Variants in BLM observed in about 807,000 individuals in gnomAD.
BLM encodes the protein recQ-like DNA helicase BLM.
BLM carries 95 observed loss-of-function variants against 135.3 expected under a neutral mutation model. That is an observed-to-expected ratio of 0.70 (90% CI 0.59 to 0.83). The LOEUF (loss-of-function observed/expected upper bound fraction) is 0.83. Ranked by LOEUF, BLM falls within the 40% of genes least tolerant of loss-of-function variation. The pLI, the probability that BLM is intolerant of heterozygous loss-of-function variation, is 0.00. For synonymous variants in BLM, 520 were observed against 589.2 expected (o/e 0.88, Z 1.70); for missense variants, 1,518 against 1,663.9 (o/e 0.91, Z 1.53).
Position 90,815,001 on chromosome 15 carries a change from G to T in BLM, c.4077-101G>T. Reference sequence around the variant, plus strand: ...GCAGAAAATGCACAAGGACACATTAGGCCCAGGGAAGTGGTATTGTAGCTC... The same window carrying T: ...GCAGAAAATGCACAAGGACACATTATGCCCAGGGAAGTGGTATTGTAGCTC... On this transcript the variant is annotated intron_variant, in intron 21 of 21. Coordinates refer to ENST00000355112, the MANE Select transcript of BLM (RefSeq NM_000057.4). This position sits in a 1 kb window ranked among gnomAD's most constrained non-coding sequence, Gnocchi z 4.6. 8.2e-7 allele frequency: 1 copy of T among 1,222,226 alleles called. No homozygotes were observed. The highest frequency in any genetic ancestry group is 1.2e-6 in the Non-Finnish European group (1 of 845,786). 75.7% of individuals were successfully genotyped at this position (1,222,226 alleles called of 1,614,324 possible).
At chr15:90,792,735 C>A (rs1277045327) in intron 15 of BLM, among the ~76,000 whole-genome samples, 4 of 152,128 alleles carry the variant, frequency 2.6e-5, no homozygotes, top group East Asian at 1.9e-4. Context: ...TTCACAATAA[C>A]CCTCAGAGAT....
Position 90,749,864 on chromosome 15 carries a change from A to G in BLM, c.596A>G (p.Tyr199Cys), listed in dbSNP as rs567055333. 2 of 1,606,232 alleles carry G rather than the reference A, an allele frequency of 1.2e-6. No homozygotes were observed. Among genetic ancestry groups the G allele is most frequent in the Non-Finnish European group, 1.7e-6 (2 of 1,175,858 alleles). The part of the protein sequence containing the change: ...GKRNFFKAQL[Y>C]TTNTVKTDLP... Reference sequence around the variant, plus strand: ...AGAAACTTTTTTAAAGCACAGCTTTATACAACAAACACAGTAAAGACTGAT... The same window carrying G: ...AGAAACTTTTTTAAAGCACAGCTTTGTACAACAAACACAGTAAAGACTGAT... The change falls in exon 3 of 22, where the codon TAT becomes TGT. Residue 199 changes from tyrosine to cysteine, a missense_variant. Coordinates refer to ENST00000355112, the MANE Select transcript of BLM (RefSeq NM_000057.4).
In BLM at chr15:90,769,605, C is replaced by G. The variant is rs769922498; in HGVS notation, c.2555+19C>G. On this transcript the variant is annotated intron_variant, in intron 12 of 21. Coordinates refer to ENST00000355112, the MANE Select transcript of BLM (RefSeq NM_000057.4). ...CTCAGGTGTAAGTTGTTGCACGTCA[C>G]GTATTTGAGAACCCTGGGGCAGTGA... 66 of 1,611,774 alleles carry G rather than the reference C, an allele frequency of 4.1e-5. No homozygotes were observed. The highest frequency in any genetic ancestry group is 5.3e-5 in the Non-Finnish European group (63 of 1,178,830).
intron 1 of BLM, among the ~76,000 whole-genome samples, chr15:90,729,692 C>T (rs746048964): frequency 3.9e-4 from 59 of 152,120 alleles, no homozygotes; most frequent in Admixed American, 1.1e-3. Flanking sequence ...GTCTTAATTC[C>T]GTATGACAGT....
intron 6 of BLM, 24 bp downstream of exon 6, chr15:90,760,303 G>C: frequency 6.2e-7 from 1 of 1,613,138 alleles, no homozygotes; most frequent in Non-Finnish European, 8.5e-7. Context: ...CCCCCTTCTG[G>C]AATATATCTG....
At chr15:90,749,231 G>T in intron 2 of BLM, 136 bp from the exon 3 acceptor site, 1 of 648,938 alleles carries the variant, frequency 1.5e-6, no homozygotes, top group South Asian at 2.0e-5. Flanking sequence ...ATTTAAAATC[G>T]AGAGAGATGG....
intron 16 of BLM, among the ~76,000 whole-genome samples, chr15:90,796,264 T>C (rs1349063062): frequency 6.6e-6 from 1 of 152,164 alleles, no homozygotes; most frequent in East Asian, 1.9e-4. Context: ...ATTCAAAAAT[T>C]CTGAAAACAG....
chr15:90,727,629 C>T (rs2151130218), intron 1 of BLM, among the ~76,000 whole-genome samples: 1 of 152,242 alleles, frequency 6.6e-6, no homozygotes, highest in South Asian at 2.1e-4. Flanking sequence ...CTCTAACCAG[C>T]TTCTTTTGGG....
chr15:90,758,589 A>T (rs1265320932), intron 5 of BLM, among the ~76,000 whole-genome samples: 2 of 152,166 alleles, frequency 1.3e-5, no homozygotes, highest in East Asian at 3.8e-4. Flanking sequence ...CAGTTGTTCA[A>T]ACATCATATC....
In BLM at chr15:90,723,985, T is replaced by A. The variant is rs78627523; in HGVS notation, c.-5+6545T>A. 6.5e-3 allele frequency among the ~76,000 whole-genome samples: 992 copies of A among 152,178 alleles called. 15 individuals are homozygous for A. The highest frequency in any genetic ancestry group is 0.048 in the East Asian group (251 of 5,186). On this transcript the variant is annotated intron_variant, in intron 1 of 21. Coordinates refer to ENST00000355112, the MANE Select transcript of BLM (RefSeq NM_000057.4). The stretch of plus-strand genomic sequence containing the variant: ...ATCTCATGTTGCAGGATTTTTTTTT[T>A]AATTTTTTATTATTTAACTTAATTG...
At chr15:90,720,192 A>G (rs1013943170) in intron 1 of BLM, among the ~76,000 whole-genome samples, 1 of 152,170 alleles carries the variant, frequency 6.6e-6, no homozygotes, top group African/African-American at 2.4e-5. Context: ...AAGCTCCTTG[A>G]AGGCAGTAAT....
chr15:90,757,041 T>C (rs1895837620), intron 5 of BLM, among the ~76,000 whole-genome samples: 1 of 152,228 alleles, frequency 6.6e-6, no homozygotes, highest in African/African-American at 2.4e-5. Flanking sequence ...GCCAGTCTAG[T>C]AATCCTTTTA....
At chr15:90,805,590 C>T (rs920525694) in intron 19 of BLM, among the ~76,000 whole-genome samples, 4 of 150,056 alleles carry the variant, frequency 2.7e-5, no homozygotes, top group African/African-American at 7.4e-5. Context: ...GAGTTCAAGA[C>T]CAGCCTGCCC....
chr15:90,738,564 A>AAAAACAAAACAAAACAAAAC (rs71463768), intron 1 of BLM, among the ~76,000 whole-genome samples: 2 of 149,184 alleles, frequency 1.3e-5, no homozygotes, highest in South Asian at 4.3e-4. Flanking sequence ...CCCTGTTTCA[A>AAAAACAAAACAAAACAAAAC]AAAACAAAAC....
intron 1 of BLM, among the ~76,000 whole-genome samples, chr15:90,735,398 T>C (rs1048014727): frequency 1.3e-5 from 2 of 151,314 alleles, no homozygotes; most frequent in Non-Finnish European, 3.0e-5. Context: ...CATATAAGAA[T>C]AGGAAAACAG....
intron 12 of BLM, among the ~76,000 whole-genome samples, chr15:90,773,087 G>A (rs1175975050): frequency 2.9e-5 from 3 of 102,624 alleles, no homozygotes; most frequent in African/African-American, 4.1e-5. Flanking sequence ...ACAAGAGCGA[G>A]ACTGTCTCAA....
intron 1 of BLM, among the ~76,000 whole-genome samples, chr15:90,739,558 A>G (rs1020130918): frequency 2.6e-5 from 4 of 152,212 alleles, no homozygotes; most frequent in African/African-American, 4.8e-5. Context: ...ATGTCTCACA[A>G]CATAGATAAA....
intron 19 of BLM, among the ~76,000 whole-genome samples, chr15:90,807,014 G>T (rs564324001): frequency 2.0e-5 from 3 of 152,206 alleles, no homozygotes; most frequent in East Asian, 1.9e-4. Context: ...TCAAATTACC[G>T]TAGGTACTTA....
At chr15:90,783,219 A>G (rs1896662342) in intron 13 of BLM, among the ~76,000 whole-genome samples, 1 of 152,194 alleles carries the variant, frequency 6.6e-6, no homozygotes, top group Non-Finnish European at 1.5e-5. Context: ...TGTTTGAATT[A>G]TACAGCTTTT....
Sources: gnomAD v4.1 joint callset for allele counts (sites outside exome capture counted in the v4.1 genomes callset) on GRCh38, gnomAD v4.1.1 for gene constraint, Gnocchi (gnomAD v3.1) non-coding constraint, MANE v1.5 for transcripts, NCBI Gene and HGNC (gene_info 2026-07-23, HGNC 2026-07-21) for gene names.